The following BRPF3 variants were observed in gnomAD, a reference collection of about 807,000 sequenced individuals.
BRPF3 encodes bromodomain and PHD finger containing 3.
In BRPF3, 18 loss-of-function variants were observed where a neutral mutation model predicts 102.0. That is an observed-to-expected ratio of 0.18 (90% confidence interval 0.12 to 0.26). BRPF3 has a LOEUF of 0.26. Among genes scored for constraint, BRPF3 ranks in the 10% least tolerant of loss-of-function variants. The pLI, the probability that BRPF3 is intolerant of heterozygous loss-of-function variation, is 1.00. For synonymous variants in BRPF3, 570 were observed against 614.2 expected (o/e 0.93, Z 1.06); for missense variants, 1,147 against 1,567.8 (o/e 0.73, Z 4.53).
chr6:36,199,565 G>A (rs1190317123), intron 1 of BRPF3, among the ~76,000 whole-genome samples: 1 of 152,176 alleles, frequency 6.6e-6, no homozygotes, highest in East Asian at 1.9e-4. Context: ...AGAGGTATTG[G>A]GAGAAGACTC....
chr6:36,201,493 G>A lies in BRPF3; in HGVS notation c.1171G>A (p.Ala391Thr), dbSNP rs1767696935. ...AYCEAHSPPG[A>T]ATARRKGDSP... ...CTGTGAGGCCCACTCGCCACCAGGT[G>A]CGGCCACTGCTAGGAGGAAGGGCGA... Residue 391 changes from alanine (A) to threonine (T), a missense_variant, in exon 2 of 13, where the codon GCG (alanine) becomes ACG (threonine). By Grantham distance (58) the Ala-to-Thr change is moderately conservative. Around this residue, in one of 11 missense-constraint regions of BRPF3, gnomAD observed 157 missense variants for 163.6 expected, o/e 0.96. Coordinates refer to ENST00000357641, the MANE Select transcript of BRPF3 (RefSeq NM_015695.3). The surrounding 1 kb of genome is among the most constrained non-coding windows in gnomAD (Gnocchi z 5.1). 2 of 1,614,102 alleles carry A rather than the reference G, an allele frequency of 1.2e-6. No homozygotes were observed. Among genetic ancestry groups the A allele is most frequent in the Non-Finnish European group, 1.7e-6 (2 of 1,180,052 alleles).
intron 8 of BRPF3, among the ~76,000 whole-genome samples, chr6:36,215,758 C>T (rs577846017): frequency 6.6e-6 from 1 of 152,070 alleles, no homozygotes; most frequent in Non-Finnish European, 1.5e-5. Flanking sequence ...AGGGGCTTCC[C>T]AGAGCATCAG....
rs779070419 is a variant in BRPF3 at position 36,211,377 on chromosome 6, C to T, written c.2299C>T (p.Arg767Cys). The change falls in exon 7 of 13, where the codon CGT (arginine) becomes TGT (cysteine). Residue 767 changes from arginine (R) to cysteine (C), a missense_variant. By Grantham distance (180) the Arg-to-Cys change is radical (BLOSUM62 -3). Transcript: ENST00000357641. ...GCGGTCCAGTGGGGCCCGCACCCGTCGTGTCCGCCTGCTACGCCGGGAGAT... is the reference window on the plus strand; with the variant it reads ...GCGGTCCAGTGGGGCCCGCACCCGTTGTGTCCGCCTGCTACGCCGGGAGAT... ...AMRSSGARTR[R>C]VRLLRREINA... 9.3e-6 allele frequency: 15 copies of T among 1,614,102 alleles called. No homozygotes were observed. The highest frequency in any genetic ancestry group is 5.0e-5 in the Admixed American group (3 of 60,018).
rs967162695 is a variant in BRPF3, at chr6:36,228,450, CA to C, written c.3280-450del. ...ACCCACATCATACCCCCCTCTCCAT[CA>C]ACCTCCAAGCTCATTCTCTAGCTAT... On this transcript the variant is annotated intron_variant, in intron 11 of 12. Transcript: ENST00000357641. Among the ~76,000 whole-genome samples the C allele has an allele frequency of 2.6e-4, 39 of 152,336 alleles. No individual in the cohort carries two copies. In the South Asian group the frequency reaches 3.1e-3, roughly 12 times the overall value.
chr6:36,220,858 A>G (rs917404749), intron 9 of BRPF3, among the ~76,000 whole-genome samples: 1 of 152,226 alleles, frequency 6.6e-6, no homozygotes, highest in Admixed American at 6.5e-5. Flanking sequence ...TTTTCTTAGC[A>G]TACGTTCCTG....
At chr6:36,207,257 G>A (rs1767937706) in intron 3 of BRPF3, 56 bp from the exon 4 acceptor site, 2 of 1,593,738 alleles carry the variant, frequency 1.3e-6, no homozygotes, top group Non-Finnish European at 1.7e-6. Context: ...GCTTGAACAG[G>A]GAGAGGACTT....
intron 10 of BRPF3, among the ~76,000 whole-genome samples, chr6:36,222,748 A>T (rs936403357): frequency 6.6e-5 from 10 of 152,172 alleles, no homozygotes; most frequent in Non-Finnish European, 1.3e-4. Context: ...GTGTCCCATT[A>T]TATAGGAATG....
Position 36,210,276 on chromosome 6 carries a change from C to T in BRPF3, c.1927C>T (p.Leu643=). 6.2e-7 allele frequency: 1 copy of T among 1,614,238 alleles called. No homozygotes were observed. The highest frequency in any genetic ancestry group is 8.5e-7 in the Non-Finnish European group (1 of 1,180,026). ...PMDFSTMRRK[L]ESHLYRTLEE... is the part of the protein sequence containing the mutation. ...GGATTTTTCTACTATGAGGCGGAAG[C>T]TGGAGTCCCACCTGTACCGCACCTT... The change falls in exon 6 of 13, where the codon CTG becomes TTG. Residue 643 remains leucine (L), a synonymous_variant. Transcript: ENST00000357641. The surrounding 1 kb of genome is among the most constrained non-coding windows in gnomAD (Gnocchi z 4.7).
intron 8 of BRPF3, 110 bp from the exon 9 acceptor site, chr6:36,217,807 C>A: frequency 1.3e-6 from 1 of 748,136 alleles, no homozygotes; most frequent in Non-Finnish European, 2.2e-6. Flanking sequence ...AAAGGAATAG[C>A]CATCCTCTCC....
rs1241374883 is a variant in BRPF3 at position 36,225,441 on chromosome 6, A to G, written c.3279+77A>G. The G allele has an allele frequency of 2.2e-6, 3 of 1,339,952 alleles. No homozygotes were observed. The African/African-American group carries it at 4.3e-5, about 19-fold the overall frequency. 83.0% of individuals were successfully genotyped at this position (1,339,952 alleles called of 1,614,324 possible). On this transcript the variant is annotated intron_variant, in intron 11 of 12. Coordinates refer to ENST00000357641, the MANE Select transcript of BRPF3 (RefSeq NM_015695.3). ...GCTAATCTGATTGGATTAAGCCAGC[A>G]GAGTGTGGTGGGAGTCAGAGTGTCT...
intron 1 of BRPF3, chr6:36,197,632 A>C (rs1389400565): frequency 9.4e-5 from 1 of 10,602 alleles, no homozygotes; most frequent in African/African-American, 4.0e-4. Flanking sequence ...TGGGTGAGCG[A>C]GGGGTCAGGG....
In BRPF3 at chr6:36,230,450, C is replaced by A; in HGVS notation, c.3459C>A (p.Val1153=). Residue 1153 remains valine, a synonymous_variant, in exon 13 of 13, where the codon GTC becomes GTA. Transcript: ENST00000357641. The surrounding 1 kb of genome is among the most constrained non-coding windows in gnomAD (Gnocchi z 5.4). ...RTWQWLPRDK[V]LPLGVEDTVD... ...GGCAGTGGCTTCCAAGGGACAAAGT[C>A]CTGCCCTTGGGTGTGGAAGACACCG... 1 of 1,614,158 alleles carries A rather than the reference C, an allele frequency of 6.2e-7. No individual in the cohort carries two copies. The highest frequency in any genetic ancestry group is 1.7e-5 in the Admixed American group (1 of 60,026).
Position 36,204,930 on chromosome 6 carries a change from C to T in BRPF3, c.1605+116C>T, listed in dbSNP as rs1002871195. On this transcript the variant is annotated intron_variant, in intron 3 of 12. Transcript: ENST00000357641. ...GATCCCTCCATGGAGCCTTTGCCTA[C>T]CTGTCTGGGTGGCCTATCCCAGGAA... 5.7e-6 allele frequency: 8 copies of T among 1,411,802 alleles called. No homozygotes were observed. In the South Asian group the frequency reaches 8.2e-5, roughly 14 times the overall value. The allele number at this position is 1,411,802 out of a possible 1,614,324, so 87.5% of individuals were successfully genotyped here. A position where few individuals can be genotyped will look rare whatever the true frequency, so the allele number is the denominator to read the frequency against.
chr6:36,199,173 GC>G (rs1767608056), intron 1 of BRPF3, among the ~76,000 whole-genome samples: 1 of 152,210 alleles, frequency 6.6e-6, no homozygotes, highest in South Asian at 2.1e-4. Context: ...TGAGTGGCGG[GC>G]AAGCGAGCAT....
At chr6:36,199,156 CA>C (rs1261608723) in intron 1 of BRPF3, among the ~76,000 whole-genome samples, 7 of 152,200 alleles carry the variant, frequency 4.6e-5, no homozygotes, top group African/African-American at 1.7e-4. Context: ...GGCCATACAG[CA>C]AGAGGTGAGT....
At position 36,201,544 on chromosome 6, in the gene BRPF3, G is replaced by A; in HGVS notation, c.1222G>A (p.Gly408Ser). The A allele has an allele frequency of 6.2e-7, 1 of 1,614,128 alleles. No individual in the cohort carries two copies. Among genetic ancestry groups the A allele is most frequent in the Non-Finnish European group, 8.5e-7 (1 of 1,180,000 alleles). ...CTCCCCTAGAAGCATCAGTGAGACT[G>A]GCGATGAGGAAGGGCTGAAGGAGGG... ...GDSPRSISET[G>S]DEEGLKEGDG... The change falls in exon 2 of 13, where the codon GGC (glycine) becomes AGC (serine). Residue 408 changes from glycine (G) to serine (S), a missense_variant. Around this residue, in one of 11 missense-constraint regions of BRPF3, gnomAD observed 157 missense variants for 163.6 expected, o/e 0.96. Transcript: ENST00000357641. The surrounding 1 kb of genome is among the most constrained non-coding windows in gnomAD (Gnocchi z 5.1).
At chr6:36,221,362 C>G (rs1040128953) in intron 9 of BRPF3, among the ~76,000 whole-genome samples, 2 of 142,278 alleles carry the variant, frequency 1.4e-5, no homozygotes, top group African/African-American at 5.2e-5. Context: ...TCTTGGGTCA[C>G]TGCAACCTCC....
chr6:36,210,241 C>T lies in BRPF3; in HGVS notation c.1892C>T (p.Ser631Phe), dbSNP rs149568530. Residue 631 changes from serine (S) to phenylalanine (F), a missense_variant, in exon 6 of 13, where the codon TCC becomes TTC. Ser to Phe is a radical substitution (Grantham distance 155). Around this residue, in one of 11 missense-constraint regions of BRPF3, gnomAD observed 109 missense variants for 175.1 expected, o/e 0.62. Coordinates refer to ENST00000357641, the MANE Select transcript of BRPF3 (RefSeq NM_015695.3). The surrounding 1 kb of genome is among the most constrained non-coding windows in gnomAD (Gnocchi z 4.7). ...SEVPDYLEFI[S>F]KPMDFSTMRR... ...GTTCCAGATTACCTGGAATTCATAT[C>T]CAAGCCAATGGATTTTTCTACTATG... is the stretch of plus-strand genomic sequence containing the variant. The T allele has an allele frequency of 1.2e-6, 2 of 1,614,204 alleles. No individual in the cohort carries two copies. The highest frequency in any genetic ancestry group is 1.7e-6 in the Non-Finnish European group (2 of 1,180,040).
At position 36,225,347 on chromosome 6, in the gene BRPF3, C is replaced by T. The variant is rs1342393607; in HGVS notation, c.3262C>T (p.Pro1088Ser). 1 of 1,610,326 alleles carries T rather than the reference C, an allele frequency of 6.2e-7. No individual in the cohort carries two copies. The highest frequency in any genetic ancestry group is 8.5e-7 in the Non-Finnish European group (1 of 1,179,998). Residue 1088 changes from proline to serine, a missense_variant, in exon 11 of 13, where the codon CCC becomes TCC. By Grantham distance (74) the Pro-to-Ser change is moderately conservative. Transcript: ENST00000357641. ...GGTGTGGGCCAAGTGCCGAGGCTAC[C>T]CCTCCTACCCTGCCTTGGTGAGTCT... ...ELVWAKCRGY[P>S]SYPALIIDPK... is the part of the protein sequence containing the mutation.
Sources: allele counts gnomAD v4.1 joint callset (sites outside exome capture counted in the v4.1 genomes callset), GRCh38; gene constraint gnomAD v4.1.1; regional missense constraint gnomAD v4.1.1; non-coding constraint Gnocchi (gnomAD v3.1); transcripts MANE v1.5; gene names NCBI Gene and HGNC (gene_info 2026-07-23, HGNC 2026-07-21).